Variants in CTSS observed in about 807,000 individuals in gnomAD.
CTSS encodes the protein cathepsin S.
In CTSS, 15 loss-of-function variants were observed where a neutral mutation model predicts 39.9. That is an observed-to-expected ratio of 0.38 (90% CI 0.25 to 0.58). The LOEUF is 0.58. Among genes scored for constraint, CTSS ranks in the 20% least tolerant of loss-of-function variants. The probability of loss-of-function intolerance (pLI) is 0.70; values close to 1 mark genes in which losing one functional copy is unlikely to be tolerated. For missense variants in CTSS, 250 were observed against 398.2 expected (o/e 0.63, Z 3.17); for synonymous variants, 126 against 138.2 (o/e 0.91, Z 0.62).
chr1:150,736,585 T>C (rs188672700), intron 7 of CTSS, among the ~76,000 whole-genome samples: 26 of 152,256 alleles, frequency 1.7e-4, no homozygotes, highest in Admixed American at 9.8e-4. Context: ...AAAATTGAAT[T>C]GAGGGTCTAG....
chr1:150,765,636 A>C (rs1273557516), intron 1 of CTSS, 62 bp downstream of exon 1: 2 of 152,230 alleles, frequency 1.3e-5, no homozygotes, highest in Non-Finnish European at 2.9e-5. Flanking sequence ...AGCAGGCAGA[A>C]CAAGTTACAA....
At chr1:150,756,348 G>C (rs1037052145) in intron 3 of CTSS, among the ~76,000 whole-genome samples, 1 of 152,238 alleles carries the variant, frequency 6.6e-6, no homozygotes, top group Non-Finnish European at 1.5e-5. Context: ...AAAAGTATAA[G>C]TAGGAGTACA....
At chr1:150,748,697 T>A (rs762100322) in intron 6 of CTSS, among the ~76,000 whole-genome samples, 30 of 152,112 alleles carry the variant, frequency 2.0e-4, no homozygotes, top group Non-Finnish European at 3.8e-4. Context: ...TCCTCCTGAT[T>A]TGGCCTCCCA....
At chr1:150,761,966 A>C (rs1237403724) in intron 2 of CTSS, among the ~76,000 whole-genome samples, 1 of 152,218 alleles carries the variant, frequency 6.6e-6, no homozygotes, top group Non-Finnish European at 1.5e-5. Context: ...TTAAATAGTC[A>C]AAGTAATCTT....
intron 7 of CTSS, among the ~76,000 whole-genome samples, chr1:150,737,969 A>G (rs940101994): frequency 6.6e-6 from 1 of 152,170 alleles, no homozygotes; most frequent in Non-Finnish European, 1.5e-5. Context: ...GAGCTGAGTG[A>G]GAGAGGGGAG....
chr1:150,746,378 G>A (rs922092582), intron 7 of CTSS, among the ~76,000 whole-genome samples: 2 of 152,056 alleles, frequency 1.3e-5, no homozygotes, highest in Admixed American at 6.6e-5. Flanking sequence ...TTTTGTTTAT[G>A]AGTGATATAG....
intron 6 of CTSS, among the ~76,000 whole-genome samples, chr1:150,749,749 A>C (rs1329263596): frequency 1.3e-5 from 2 of 151,772 alleles, no homozygotes. Flanking sequence ...TCCTGGGTTC[A>C]AGGAGTCCTC....
chr1:150,754,420 T>C (rs587735213), intron 4 of CTSS, among the ~76,000 whole-genome samples: 33 of 148,042 alleles, frequency 2.2e-4, no homozygotes, highest in Non-Finnish European at 3.6e-4. Context: ...GGCCCTCCCT[T>C]ATACTTTACC....
At chr1:150,761,849 T>A (rs1253152702) in intron 2 of CTSS, among the ~76,000 whole-genome samples, 3 of 152,196 alleles carry the variant, frequency 2.0e-5, no homozygotes, top group Non-Finnish European at 2.9e-5. Context: ...GTTCATACTA[T>A]CCAAAGCAAA....
intron 3 of CTSS, among the ~76,000 whole-genome samples, chr1:150,756,888 G>A (rs1011684219): frequency 1.3e-5 from 2 of 151,718 alleles, no homozygotes; most frequent in Non-Finnish European, 2.9e-5. Context: ...AGCTAATTTT[G>A]TATTTTTAGT....
intron 7 of CTSS, among the ~76,000 whole-genome samples, chr1:150,745,735 G>T (rs1458164321): frequency 6.6e-6 from 1 of 152,050 alleles, no homozygotes; most frequent in African/African-American, 2.4e-5. Flanking sequence ...GAAAATGAAG[G>T]CAGAGGTCAG....
chr1:150,736,260 G>T (rs1009763177), intron 7 of CTSS, among the ~76,000 whole-genome samples: 3 of 152,094 alleles, frequency 2.0e-5, no homozygotes, highest in Non-Finnish European at 2.9e-5. Context: ...ATCCTGTGAG[G>T]TGAATATTAT....
At chr1:150,747,726 A>T in intron 7 of CTSS, 51 bp downstream of exon 7, 1 of 1,153,030 alleles carries the variant, frequency 8.7e-7, no homozygotes, top group Non-Finnish European at 1.3e-6. Flanking sequence ...TATTTGCTGA[A>T]ACTCCCTCAA....
At chr1:150,739,016 G>A (rs1012666352) in intron 7 of CTSS, among the ~76,000 whole-genome samples, 3 of 151,918 alleles carry the variant, frequency 2.0e-5, no homozygotes, top group African/African-American at 4.8e-5. Flanking sequence ...CCAACATGGC[G>A]AAACCCCGTC....
intron 7 of CTSS, among the ~76,000 whole-genome samples, chr1:150,740,037 CATTT>C (rs1434270328): frequency 6.6e-6 from 1 of 152,208 alleles, no homozygotes; most frequent in Non-Finnish European, 1.5e-5. Context: ...AGAAGAGCTG[CATTT>C]TTCATTTCCA....
chr1:150,733,185 A>C (rs1652561756), intron 7 of CTSS, 40 bp from the exon 8 acceptor site: 1 of 1,455,916 alleles, frequency 6.9e-7, no homozygotes, highest in South Asian at 1.2e-5. Context: ...AAATGCGTAC[A>C]ATCAAACCAT....
At chr1:150,754,835 A>G (rs772552282) in intron 4 of CTSS, among the ~76,000 whole-genome samples, 166 bp downstream of exon 4, 4 of 152,196 alleles carry the variant, frequency 2.6e-5, no homozygotes, top group Non-Finnish European at 4.4e-5. Flanking sequence ...ATAATATGTG[A>G]TCCTTGCCCT....
At chr1:150,738,598 C>A (rs587633168) in intron 7 of CTSS, among the ~76,000 whole-genome samples, 128 of 151,808 alleles carry the variant, frequency 8.4e-4, no homozygotes, top group African/African-American at 3.0e-3. Flanking sequence ...ACGCTCCTGC[C>A]TCAGCCTCCC....
chr1:150,736,450 A>C (rs931637712), intron 7 of CTSS, among the ~76,000 whole-genome samples: 5 of 152,166 alleles, frequency 3.3e-5, no homozygotes, highest in Non-Finnish European at 7.3e-5. Context: ...TCATATGGGG[A>C]ATGAAATTCA....
Sources: allele counts gnomAD v4.1 joint callset (sites outside exome capture counted in the v4.1 genomes callset), GRCh38; gene constraint gnomAD v4.1.1; transcripts MANE v1.5; gene names NCBI Gene and HGNC (gene_info 2026-07-23, HGNC 2026-07-21).